The following ZDHHC21 variants were observed in gnomAD, a reference collection of about 807,000 sequenced individuals.
ZDHHC21 encodes zDHHC palmitoyltransferase 21.
In ZDHHC21, 15 loss-of-function variants were observed where a neutral mutation model predicts 34.6. The ratio of observed to expected loss-of-function variants is 0.43; its 90% CI spans 0.29 to 0.67. The LOEUF is 0.67. Ranked by LOEUF, ZDHHC21 falls within the 30% of genes least tolerant of loss-of-function variation. The probability of loss-of-function intolerance (pLI) is 0.14; values close to 1 mark genes in which losing one functional copy is unlikely to be tolerated. For missense variants in ZDHHC21, 344 were observed against 327.7 expected (o/e 1.05, Z -0.38); for synonymous variants, 142 against 101.8 (o/e 1.40, Z -2.38).
At chr9:14,598,954 G>A in the ZDHHC21 span, among the ~76,000 whole-genome samples, 1 of 151,978 alleles carries the variant, frequency 6.6e-6, no homozygotes, top group Non-Finnish European at 1.5e-5. Flanking sequence ...GTAGAGACAG[G>A]GTTTCACCAT....
At position 14,614,260 on chromosome 9, in the gene ZDHHC21, T is replaced by TA. The variant is rs898134328; in HGVS notation, c.*4705dup. On this transcript the variant is annotated 3_prime_UTR_variant, in exon 10 of 10. Coordinates refer to ENST00000380916, the MANE Select transcript of ZDHHC21 (RefSeq NM_178566.6). ...CAAGGCAAAAAGAACATAATAATAGTAAAAAATATAATGATAATGGAAAGT... is the reference window on the plus strand; with the variant it reads ...CAAGGCAAAAAGAACATAATAATAGTAAAAAAATATAATGATAATGGAAAGT... The TA allele has an allele frequency of 3.3e-5, 5 of 150,748 alleles. No individual in the cohort carries two copies. Among genetic ancestry groups the TA allele is most frequent in the African/African-American group, 9.7e-5 (4 of 41,124 alleles). The allele number at this position is 150,748 out of a possible 1,614,324, so 9.3% of individuals were successfully genotyped here.
intron 8 of ZDHHC21, among the ~76,000 whole-genome samples, chr9:14,629,934 TA>T (rs1214222759): frequency 6.6e-6 from 1 of 152,126 alleles, no homozygotes; most frequent in Non-Finnish European, 1.5e-5. Flanking sequence ...TAGTCCCAGC[TA>T]CTTGGGAGGC....
At chr9:14,670,364 A>G (rs1162180095) in intron 5 of ZDHHC21, among the ~76,000 whole-genome samples, 3 of 152,158 alleles carry the variant, frequency 2.0e-5, no homozygotes, top group Non-Finnish European at 2.9e-5. Flanking sequence ...CTGTTTCTGT[A>G]TGACCTATGA....
the ZDHHC21 span, among the ~76,000 whole-genome samples, chr9:14,595,468 A>G: frequency 3.9e-5 from 6 of 152,322 alleles, no homozygotes; most frequent in African/African-American, 1.4e-4. Flanking sequence ...TCAAATCTAT[A>G]AAAGCATATT....
intron 8 of ZDHHC21, among the ~76,000 whole-genome samples, chr9:14,627,745 CTTGA>C (rs1466385140): frequency 6.6e-6 from 1 of 152,170 alleles, no homozygotes; most frequent in Non-Finnish European, 1.5e-5. Flanking sequence ...TACAGCACTT[CTTGA>C]TTAACTCTCT....
At chr9:14,620,796 A>T (rs1825172927) in intron 8 of ZDHHC21, among the ~76,000 whole-genome samples, 1 of 152,074 alleles carries the variant, frequency 6.6e-6, no homozygotes, top group African/African-American at 2.4e-5. Flanking sequence ...TTTTAAGATA[A>T]CTAATAACCA....
Position 14,618,822 on chromosome 9 carries a change from T to G in ZDHHC21, c.*144A>C, listed in dbSNP as rs1367952348. On this transcript the variant is annotated 3_prime_UTR_variant, in exon 10 of 10. Transcript: ENST00000380916. ...CCCACAACAGGATCAAGATCACTATTAAAATAAAGCCTGGGGCACATTATG... is the reference window on the plus strand; with the variant it reads ...CCCACAACAGGATCAAGATCACTATGAAAATAAAGCCTGGGGCACATTATG... The G allele has an allele frequency of 2.4e-6, 2 of 838,198 alleles. No homozygotes were observed. Among genetic ancestry groups the G allele is most frequent in the Non-Finnish European group, 3.3e-6 (2 of 603,834 alleles). The allele number at this position is 838,198 out of a possible 1,614,324, so 51.9% of individuals were successfully genotyped here.
chr9:14,676,123 A>C (rs1217447142), intron 3 of ZDHHC21, among the ~76,000 whole-genome samples: 2 of 152,036 alleles, frequency 1.3e-5, no homozygotes, highest in African/African-American at 4.8e-5. Context: ...AAATTACTGA[A>C]GCTCTGGTGT....
In ZDHHC21 at chr9:14,689,814, G is replaced by A. The variant is rs147458927; in HGVS notation, c.-176+523C>T. On this transcript the variant is annotated intron_variant, in intron 2 of 9. Transcript: ENST00000380916. Reference sequence around the variant, plus strand: ...GGGTCTCACTATGTTGTCCAGGCTGGAGTGCTGCAATCACAGCCCACTGCA... The same window carrying A: ...GGGTCTCACTATGTTGTCCAGGCTGAAGTGCTGCAATCACAGCCCACTGCA... Among the ~76,000 whole-genome samples, 431 of 152,246 alleles carry A rather than the reference G, an allele frequency of 2.8e-3. 3 individuals are homozygous for A. The highest frequency in any genetic ancestry group is 9.7e-3 in the African/African-American group (403 of 41,542).
At chr9:14,655,140 A>C (rs1016146549) in intron 7 of ZDHHC21, among the ~76,000 whole-genome samples, 8 of 152,212 alleles carry the variant, frequency 5.3e-5, no homozygotes, top group Non-Finnish European at 4.4e-5. Flanking sequence ...ATTTCATTGG[A>C]GTAACAGTAA....
the ZDHHC21 span, among the ~76,000 whole-genome samples, chr9:14,596,976 T>C: frequency 1.7e-3 from 261 of 152,186 alleles, no homozygotes; most frequent in African/African-American, 6.0e-3. Context: ...CAGGAGAAAC[T>C]TTCCAGTGCC....
intron 7 of ZDHHC21, among the ~76,000 whole-genome samples, chr9:14,658,464 C>CTTTTTTTTTTTTTTTTTTT (rs769819264): frequency 1.5e-5 from 1 of 65,378 alleles, no homozygotes; most frequent in African/African-American, 6.2e-5. Flanking sequence ...ATAAACATTT[C>CTTTTTTTTTTTTTTTTTTT]TTTTTTTTTT....
chr9:14,621,425 T>C (rs1391361066), intron 8 of ZDHHC21, among the ~76,000 whole-genome samples: 1 of 152,126 alleles, frequency 6.6e-6, no homozygotes, highest in Non-Finnish European at 1.5e-5. Flanking sequence ...TTAGATTTCA[T>C]ACAGAAAAAG....
At chr9:14,624,274 A>G (rs1214212357) in intron 8 of ZDHHC21, among the ~76,000 whole-genome samples, 2 of 152,146 alleles carry the variant, frequency 1.3e-5, no homozygotes, top group East Asian at 1.9e-4. Flanking sequence ...AGGAGCCTCA[A>G]TGGATTCCGA....
Position 14,672,886 on chromosome 9 carries a change from C to T in ZDHHC21, c.197G>A (p.Arg66Lys). The T allele has an allele frequency of 6.2e-7, 1 of 1,607,558 alleles. No homozygotes were observed. The highest frequency in any genetic ancestry group is 1.7e-5 in the Admixed American group (1 of 59,844). The change falls in exon 5 of 10, where the codon AGG (arginine) becomes AAG (lysine). Residue 66 changes from arginine to lysine, a missense_variant. Transcript: ENST00000380916. ...TCTTCCTGGATCAGTTATGGAGGCC[C>T]TCACTAAGGCAACCAGACAGAATAT... is the stretch of plus-strand genomic sequence containing the variant. ...ISIFCLVALV[R>K]ASITDPGRLP...
chr9:14,633,327 A>C (rs1358490933), intron 8 of ZDHHC21, among the ~76,000 whole-genome samples: 1 of 152,176 alleles, frequency 6.6e-6, no homozygotes, highest in South Asian at 2.1e-4. Context: ...GAGGCTCCCC[A>C]GTGCAGGAAA....
At chr9:14,689,783 G>C (rs567303279) in intron 2 of ZDHHC21, among the ~76,000 whole-genome samples, 1 of 152,298 alleles carries the variant, frequency 6.6e-6, no homozygotes, top group South Asian at 2.1e-4. Flanking sequence ...ATGTTTGTCT[G>C]AGACAGGGTC....
chr9:14,634,659 C>A (rs1193412891), intron 8 of ZDHHC21, among the ~76,000 whole-genome samples: 1 of 152,076 alleles, frequency 6.6e-6, no homozygotes, highest in Non-Finnish European at 1.5e-5. Flanking sequence ...ACCAAAGGGC[C>A]CCAACCAGCC....
rs1833824721 is a variant in ZDHHC21 at position 14,663,688 on chromosome 9, T to C, written c.254-1362A>G. Among the ~76,000 whole-genome samples the C allele has an allele frequency of 2.0e-5, 3 of 152,094 alleles. No individual in the cohort carries two copies. The South Asian group carries it at 6.2e-4, about 32-fold the overall frequency. On this transcript the variant is annotated intron_variant, in intron 5 of 9. Coordinates refer to ENST00000380916, the MANE Select transcript of ZDHHC21 (RefSeq NM_178566.6). Reference sequence around the variant, plus strand: ...CAGACATCTCTGAAGAAACAAAGTATGAATAAAACCTACATCAAATTAATT... The same window carrying C: ...CAGACATCTCTGAAGAAACAAAGTACGAATAAAACCTACATCAAATTAATT...
Sources: allele counts gnomAD v4.1 joint callset (sites outside exome capture counted in the v4.1 genomes callset), GRCh38; gene constraint gnomAD v4.1.1; transcripts MANE v1.5; gene names NCBI Gene and HGNC (gene_info 2026-07-23, HGNC 2026-07-21).